SLC35D1: variants seen among roughly 807,000 people sequenced by gnomAD.
The protein encoded by SLC35D1 is nucleotide sugar transporter SLC35D1.
A neutral mutation model predicts 46.7 loss-of-function variants in SLC35D1; 31 were observed. The ratio of observed to expected loss-of-function variants is 0.66; its 90% confidence interval spans 0.50 to 0.90. The LOEUF is 0.90. Among genes scored for constraint, SLC35D1 ranks in the 40% least tolerant of loss-of-function variants. The pLI, the probability that SLC35D1 is intolerant of heterozygous loss-of-function variation, is 0.00. For missense variants in SLC35D1, 397 were observed against 426.2 expected, an observed-to-expected ratio of 0.93 and a Z score of 0.60; for synonymous variants, 195 against 164.6, an observed-to-expected ratio of 1.18 and a Z score of -1.41.
the SLC35D1 span, chr1:66,981,640 G>T: frequency 3.9e-5 from 25 of 636,296 alleles, no homozygotes; most frequent in Non-Finnish European, 2.4e-5. Flanking sequence ...TTCAGATCCT[G>T]GTATGATAGA....
intron 10 of SLC35D1, among the ~76,000 whole-genome samples, chr1:67,016,678 T>C (rs1273490841): frequency 6.6e-6 from 1 of 152,256 alleles, no homozygotes; most frequent in East Asian, 1.9e-4. Flanking sequence ...TTAAAACATC[T>C]TTCTAACTAA....
At chr1:66,979,072 G>T in the SLC35D1 span, among the ~76,000 whole-genome samples, 5 of 151,846 alleles carry the variant, frequency 3.3e-5, no homozygotes, top group African/African-American at 7.3e-5. Context: ...GGTTTTGTAG[G>T]CTTCAGTTGT....
At chr1:66,981,600 T>C in the SLC35D1 span, among the ~76,000 whole-genome samples, 3 of 152,206 alleles carry the variant, frequency 2.0e-5, no homozygotes, top group Non-Finnish European at 4.4e-5. Context: ...CCTATAAACA[T>C]GTAACCAAAA....
chr1:67,019,547 A>G (rs1178649463), intron 10 of SLC35D1, among the ~76,000 whole-genome samples: 2 of 152,238 alleles, frequency 1.3e-5, no homozygotes, highest in Non-Finnish European at 2.9e-5. Flanking sequence ...CTACAAAGAT[A>G]AACAGCAGAG....
chr1:67,026,303 T>C (rs766624613), intron 8 of SLC35D1, among the ~76,000 whole-genome samples: 1 of 152,224 alleles, frequency 6.6e-6, no homozygotes, highest in Non-Finnish European at 1.5e-5. Context: ...TATGGTAAAC[T>C]GCACTGATCG....
At chr1:67,017,826 G>C (rs1377152880) in intron 10 of SLC35D1, among the ~76,000 whole-genome samples, 2 of 152,034 alleles carry the variant, frequency 1.3e-5, no homozygotes, top group Non-Finnish European at 1.5e-5. Context: ...TCCATTCTTA[G>C]GACTATGACT....
intron 8 of SLC35D1, among the ~76,000 whole-genome samples, chr1:67,038,376 A>G (rs889719053): frequency 1.3e-5 from 2 of 152,142 alleles, no homozygotes; most frequent in Admixed American, 6.5e-5. Context: ...CCCCTAAACC[A>G]TGTAATTTAG....
chr1:66,996,962 C>T (rs1299321866), downstream of SLC35D1, among the ~76,000 whole-genome samples: 1 of 152,136 alleles, frequency 6.6e-6, no homozygotes, highest in African/African-American at 2.4e-5. Flanking sequence ...AAGTTGGACC[C>T]TTACTTTACA....
In SLC35D1 at chr1:67,001,708, A is replaced by G. The variant is rs1667344035; in HGVS notation, c.*2632T>C. Reference sequence around the variant, plus strand: ...CCACAGTACCAGGTAAATCACCAGTATATTGTAACACGCCTGCAATAATCA... The same window carrying G: ...CCACAGTACCAGGTAAATCACCAGTGTATTGTAACACGCCTGCAATAATCA... On this transcript the variant is annotated 3_prime_UTR_variant, in exon 12 of 12. Transcript: ENST00000235345. The G allele has an allele frequency of 2.0e-5, 3 of 152,360 alleles. No individual in the cohort carries two copies. Among genetic ancestry groups the G allele is most frequent in the Non-Finnish European group, 4.4e-5 (3 of 68,040 alleles). 9.4% of individuals were successfully genotyped at this position (152,360 alleles called of 1,614,324 possible). A position where few individuals can be genotyped will look rare whatever the true frequency, so the allele number is the denominator to read the frequency against.
At chr1:66,985,813 AATT>A in the SLC35D1 span, 509 of 738,532 alleles carry the variant, frequency 6.9e-4, 1 homozygote, top group African/African-American at 8.4e-3. Flanking sequence ...AGGATTATAA[AATT>A]TTTTTTTTTT....
chr1:67,053,719 C>A, intron 1 of SLC35D1, 92 bp downstream of exon 1: 2 of 1,229,416 alleles, frequency 1.6e-6, no homozygotes, highest in Non-Finnish European at 2.1e-6. Flanking sequence ...TCGGCTTTAA[C>A]TTTGGCAGTC....
Position 67,001,410 on chromosome 1 carries a change from T to C in SLC35D1, c.*2930A>G, listed in dbSNP as rs1378955171. Reference sequence around the variant, plus strand: ...GCAATTAAAACTCAACGGGACATGCTGGCAATGTGTAGCCTGGCCAACTAG... The same window carrying C: ...GCAATTAAAACTCAACGGGACATGCCGGCAATGTGTAGCCTGGCCAACTAG... On this transcript the variant is annotated 3_prime_UTR_variant, in exon 12 of 12. Transcript: ENST00000235345. 1 of 152,396 alleles carries C rather than the reference T, an allele frequency of 6.6e-6. No homozygotes were observed. Among genetic ancestry groups the C allele is most frequent in the Non-Finnish European group, 1.5e-5 (1 of 68,064 alleles). 9.4% of individuals were successfully genotyped at this position (152,396 alleles called of 1,614,324 possible).
chr1:67,001,136 T>C lies in SLC35D1; in HGVS notation c.*3204A>G, dbSNP rs1667331346. Reference sequence around the variant, plus strand: ...CATACAAGAGCTGCTCACTAAGTCTTTGCTCACTGAACGAGGCTATCAAGT... The same window carrying C: ...CATACAAGAGCTGCTCACTAAGTCTCTGCTCACTGAACGAGGCTATCAAGT... On this transcript the variant is annotated 3_prime_UTR_variant, in exon 12 of 12. Coordinates refer to ENST00000235345, the MANE Select transcript of SLC35D1 (RefSeq NM_015139.3). The C allele has an allele frequency of 6.6e-6, 1 of 152,302 alleles. No homozygotes were observed. Among genetic ancestry groups the C allele is most frequent in the African/African-American group, 2.4e-5 (1 of 41,430 alleles). 9.4% of individuals were successfully genotyped at this position (152,302 alleles called of 1,614,324 possible).
At chr1:67,015,771 C>CA (rs1667672587) in intron 10 of SLC35D1, among the ~76,000 whole-genome samples, 1 of 151,876 alleles carries the variant, frequency 6.6e-6, no homozygotes, top group African/African-American at 2.4e-5. Flanking sequence ...AAATAAATTA[C>CA]AAAAAAGAGG....
intron 8 of SLC35D1, among the ~76,000 whole-genome samples, chr1:67,022,776 C>T (rs1044075742): frequency 1.3e-5 from 2 of 152,106 alleles, no homozygotes; most frequent in Admixed American, 6.6e-5. Context: ...ATGTAACCAC[C>T]ATTACAATCA....
At chr1:67,043,969 C>T (rs1645222969) in intron 7 of SLC35D1, among the ~76,000 whole-genome samples, 1 of 152,172 alleles carries the variant, frequency 6.6e-6, no homozygotes, top group Admixed American at 6.5e-5. Flanking sequence ...AGATTACTGA[C>T]TGATGAGAAA....
chr1:67,047,518 G>A (rs1230578476), intron 6 of SLC35D1, 151 bp from the exon 7 acceptor site: 4 of 737,926 alleles, frequency 5.4e-6, no homozygotes, highest in Non-Finnish European at 9.0e-6. Flanking sequence ...CTTGATTTCT[G>A]GTCATAGTTT....
intron 10 of SLC35D1, among the ~76,000 whole-genome samples, chr1:67,012,169 G>A (rs1558151143): frequency 2.6e-5 from 4 of 152,074 alleles, no homozygotes; most frequent in African/African-American, 9.7e-5. Context: ...TCATCTACAA[G>A]GGCTTTTGTC....
At chr1:66,981,990 C>T in the SLC35D1 span, 3 of 1,527,074 alleles carry the variant, frequency 2.0e-6, no homozygotes, top group Non-Finnish European at 1.8e-6. Context: ...TGGGAAATTC[C>T]GTTTGGGTTT....
Sources: gnomAD v4.1 joint callset for allele counts (sites outside exome capture counted in the v4.1 genomes callset) on GRCh38, gnomAD v4.1.1 for gene constraint, MANE v1.5 for transcripts, NCBI Gene and HGNC (gene_info 2026-07-23, HGNC 2026-07-21) for gene names.